Variants in FOCAD observed in about 807,000 individuals in gnomAD.
FOCAD encodes focadhesin, also known as KIAA1797.
Under a neutral mutation model 225.6 loss-of-function variants are expected in FOCAD, and 198 were observed. The ratio of observed to expected loss-of-function variants is 0.88; its 90% CI spans 0.78 to 0.99. The LOEUF is 0.99. Among genes scored for constraint, FOCAD ranks in the 50% least tolerant of loss-of-function variants. The pLI, the probability that FOCAD is intolerant of heterozygous loss-of-function variation, is 0.00. For missense variants in FOCAD, 2,713 were observed against 2,123.6 expected, an observed-to-expected ratio of 1.28 and a Z score of -5.46; for synonymous variants, 897 against 755.0, an observed-to-expected ratio of 1.19 and a Z score of -3.08.
chr9:20,768,686 A>G (rs1429362089), intron 7 of FOCAD, among the ~76,000 whole-genome samples: 1 of 152,212 alleles, frequency 6.6e-6, no homozygotes, highest in African/African-American at 2.4e-5. Context: ...AGCTTTAGAA[A>G]TAACCATGCA....
At chr9:20,802,769 G>A (rs561383700) in intron 11 of FOCAD, among the ~76,000 whole-genome samples, 11 of 152,120 alleles carry the variant, frequency 7.2e-5, no homozygotes, top group East Asian at 3.9e-4. Flanking sequence ...TGATATAGGC[G>A]GAATTAAAAC....
At chr9:20,755,260 C>T (rs975372433) in intron 5 of FOCAD, among the ~76,000 whole-genome samples, 1 of 152,022 alleles carries the variant, frequency 6.6e-6, no homozygotes, top group Non-Finnish European at 1.5e-5. Context: ...CTTTATGATC[C>T]CTATCCTACT....
intron 1 of FOCAD, among the ~76,000 whole-genome samples, chr9:20,687,201 A>T (rs1206323020): frequency 6.6e-6 from 1 of 152,180 alleles, no homozygotes; most frequent in Non-Finnish European, 1.5e-5. Context: ...GGCCAAAGGA[A>T]ATTGAGAATC....
intron 11 of FOCAD, among the ~76,000 whole-genome samples, chr9:20,809,175 A>G (rs950277623): frequency 6.6e-5 from 10 of 152,132 alleles, no homozygotes; most frequent in African/African-American, 2.4e-4. Flanking sequence ...CTGTTTCCCT[A>G]TTGATAGACA....
intron 2 of FOCAD, among the ~76,000 whole-genome samples, chr9:20,668,574 A>C (rs910151432): frequency 6.6e-6 from 1 of 152,226 alleles, no homozygotes; most frequent in Non-Finnish European, 1.5e-5. Context: ...AGGATAGGCT[A>C]TAAAGATTGT....
intron 18 of FOCAD, among the ~76,000 whole-genome samples, chr9:20,873,685 T>C (rs1453006062): frequency 6.6e-6 from 1 of 152,090 alleles, no homozygotes; most frequent in African/African-American, 2.4e-5. Context: ...ACATTATTAT[T>C]CTTAAGAGAA....
chr9:20,787,927 G>A (rs1010225883), intron 10 of FOCAD, among the ~76,000 whole-genome samples: 1 of 151,950 alleles, frequency 6.6e-6, no homozygotes, highest in African/African-American at 2.4e-5. Context: ...TGTTTTTACT[G>A]TGACATTTAA....
At chr9:20,821,339 CATGTG>C (rs1824301907) in intron 14 of FOCAD, among the ~76,000 whole-genome samples, 1 of 151,882 alleles carries the variant, frequency 6.6e-6, no homozygotes, top group Non-Finnish European at 1.5e-5. Flanking sequence ...TGCAGTAAAA[CATGTG>C]ATGTTATGTT....
At chr9:20,772,113 G>A (rs1045199309) in intron 8 of FOCAD, among the ~76,000 whole-genome samples, 2 of 152,198 alleles carry the variant, frequency 1.3e-5, no homozygotes, top group Admixed American at 1.3e-4. Flanking sequence ...GACAGAATCA[G>A]TAGGGCTTTA....
chr9:20,819,896 A>G lies in FOCAD; in HGVS notation c.1556A>G (p.His519Arg), dbSNP rs746203793. The G allele has an allele frequency of 1.3e-6, 2 of 1,503,936 alleles. No homozygotes were observed. Among genetic ancestry groups the G allele is most frequent in the Non-Finnish European group, 1.8e-6 (2 of 1,112,658 alleles). The allele number at this position is 1,503,936 out of a possible 1,614,324, so 93.2% of individuals were successfully genotyped here. A position where few individuals can be genotyped will look rare whatever the true frequency, so the allele number is the denominator to read the frequency against. The change falls in exon 12 of 44, where the codon CAC becomes CGC. Residue 519 changes from histidine to arginine, a missense_variant. Coordinates refer to ENST00000338382, the MANE Select transcript of FOCAD (RefSeq NM_001375567.1). Reference protein sequence around the residue: ...ILYTLPKLGVHKVCIGQILRI... With the variant: ...ILYTLPKLGVRKVCIGQILRI... ...TATACTTTACCTAAGCTTGGTGTTCACAAGGTTAGTATGTTAATTAATTTA... is the reference window on the plus strand; with the variant it reads ...TATACTTTACCTAAGCTTGGTGTTCGCAAGGTTAGTATGTTAATTAATTTA...
chr9:20,949,512 A>G lies in FOCAD; in HGVS notation c.3877-92A>G, dbSNP rs182886634. Reference sequence around the variant, plus strand: ...GGACATAATGATAAACTGTTTTATAACTTAGAAGATGGATAGCTCATGCAC... The same window carrying G: ...GGACATAATGATAAACTGTTTTATAGCTTAGAAGATGGATAGCTCATGCAC... On this transcript the variant is annotated intron_variant, in intron 32 of 43. Transcript: ENST00000338382. 10 of 879,082 alleles carry G rather than the reference A, an allele frequency of 1.1e-5. No individual in the cohort carries two copies. In the African/African-American group the frequency reaches 1.3e-4, roughly 11 times the overall value. The allele number at this position is 879,082 out of a possible 1,614,324, so 54.5% of individuals were successfully genotyped here. A position where few individuals can be genotyped will look rare whatever the true frequency, so the allele number is the denominator to read the frequency against.
In FOCAD at chr9:20,929,345, T is replaced by C. The variant is rs188213372; in HGVS notation, c.3079-13T>C. 2 of 1,608,196 alleles carry C rather than the reference T, an allele frequency of 1.2e-6. No individual in the cohort carries two copies. The highest frequency in any genetic ancestry group is 2.7e-5 in the African/African-American group (2 of 74,850). On this transcript the variant is annotated splice_polypyrimidine_tract_variant and intron_variant, in intron 26 of 43. Coordinates refer to ENST00000338382, the MANE Select transcript of FOCAD (RefSeq NM_001375567.1). ...TAAGGCTAACCCTGTTTTCTTTCTT[T>C]GGCATGTCCTAGAAGTCCTATTCTG...
intron 1 of FOCAD, among the ~76,000 whole-genome samples, chr9:20,711,519 C>T (rs1462583502): frequency 6.6e-6 from 1 of 151,978 alleles, no homozygotes; most frequent in Non-Finnish European, 1.5e-5. Context: ...CAAGACTAAG[C>T]AGTTACTGGA....
intron 1 of FOCAD, among the ~76,000 whole-genome samples, chr9:20,690,464 C>G (rs1037717523): frequency 6.6e-6 from 1 of 152,168 alleles, no homozygotes; most frequent in Non-Finnish European, 1.5e-5. Flanking sequence ...CTTAAACCCA[C>G]TTTAATCAGG....
chr9:20,792,502 G>A (rs1820637613), intron 11 of FOCAD, among the ~76,000 whole-genome samples: 1 of 152,152 alleles, frequency 6.6e-6, no homozygotes, highest in Non-Finnish European at 1.5e-5. Flanking sequence ...ATTGAGTTTT[G>A]CAAAACTCAG....
At chr9:20,845,945 A>T (rs187937045) in intron 15 of FOCAD, among the ~76,000 whole-genome samples, 1 of 152,286 alleles carries the variant, frequency 6.6e-6, no homozygotes, top group Non-Finnish European at 1.5e-5. Flanking sequence ...ATTGAAATAA[A>T]TGTGAAAATA....
At chr9:20,710,229 ATTTTTTTTTTT>A (rs749860355) in intron 1 of FOCAD, among the ~76,000 whole-genome samples, 1 of 102,290 alleles carries the variant, frequency 9.8e-6, no homozygotes, top group Non-Finnish European at 1.9e-5. Context: ...AGTAGCTGAG[ATTTTTTTTTTT>A]TTTTTTTTTT....
intron 15 of FOCAD, among the ~76,000 whole-genome samples, chr9:20,856,859 G>A (rs1828235697): frequency 3.3e-5 from 5 of 151,990 alleles, no homozygotes; most frequent in South Asian, 2.1e-4. Flanking sequence ...CTTTCCCAGT[G>A]TATGTTCTTG....
At chr9:20,944,917 T>A in intron 29 of FOCAD, 143 bp downstream of exon 29, 1 of 906,618 alleles carries the variant, frequency 1.1e-6, no homozygotes, top group East Asian at 2.7e-5. Flanking sequence ...ACAACCAATA[T>A]TAGATCATAA....
Sources: allele counts gnomAD v4.1 joint callset (sites outside exome capture counted in the v4.1 genomes callset), GRCh38; gene constraint gnomAD v4.1.1; transcripts MANE v1.5; gene names NCBI Gene and HGNC (gene_info 2026-07-23, HGNC 2026-07-21).